The following ADAMTSL1 variants were observed in gnomAD, a reference collection of about 807,000 sequenced individuals.
ADAMTSL1 encodes the protein ADAMTS-like protein 1.
Under a neutral mutation model 201.8 loss-of-function variants are expected in ADAMTSL1, and 126 were observed. That is an observed-to-expected ratio of 0.62 (90% CI 0.54 to 0.72). The LOEUF is 0.72. Among genes scored for constraint, ADAMTSL1 ranks in the 30% least tolerant of loss-of-function variants. The pLI is 0.00. For synonymous variants in ADAMTSL1, 1,121 were observed against 903.4 expected (o/e 1.24, Z -4.32); for missense variants, 2,679 against 2,277.8 (o/e 1.18, Z -3.59).
chr9:18,394,120 A>G (rs1033797533), intron 2 of ADAMTSL1, among the ~76,000 whole-genome samples: 1 of 152,206 alleles, frequency 6.6e-6, no homozygotes. Context: ...AAGCAGAGCC[A>G]TAAAGAGATT....
intron 7 of ADAMTSL1, among the ~76,000 whole-genome samples, chr9:18,651,792 A>C (rs559773004): frequency 6.6e-6 from 1 of 152,306 alleles, no homozygotes; most frequent in East Asian, 1.9e-4. Flanking sequence ...AGCCTTGAAC[A>C]TAACCTTGCA....
intron 2 of ADAMTSL1, among the ~76,000 whole-genome samples, chr9:18,229,318 C>T (rs926252294): frequency 5.3e-5 from 8 of 151,920 alleles, no homozygotes; most frequent in East Asian, 3.9e-4. Context: ...GGAATTAGGA[C>T]GTTTCTGGTA....
intron 2 of ADAMTSL1, among the ~76,000 whole-genome samples, chr9:18,191,458 A>G (rs1039271540): frequency 6.6e-6 from 1 of 152,128 alleles, no homozygotes; most frequent in African/African-American, 2.4e-5. Context: ...TTCTTCTTCA[A>G]TCCATGGAGG....
intron 15 of ADAMTSL1, among the ~76,000 whole-genome samples, chr9:18,728,066 T>TGAGA (rs1817998327): frequency 1.3e-5 from 2 of 150,596 alleles, no homozygotes; most frequent in Non-Finnish European, 2.9e-5. Context: ...GGCAACAGAG[T>TGAGA]GAGACTCTGT....
intron 15 of ADAMTSL1, among the ~76,000 whole-genome samples, chr9:18,749,208 C>T (rs529225859): frequency 1.3e-5 from 2 of 152,180 alleles, no homozygotes; most frequent in Admixed American, 6.5e-5. Flanking sequence ...TTTGGAGACA[C>T]AGGTCAACAC....
chr9:18,779,267 A>G (rs1295907106), intron 19 of ADAMTSL1, among the ~76,000 whole-genome samples: 1 of 152,210 alleles, frequency 6.6e-6, no homozygotes, highest in Non-Finnish European at 1.5e-5. Flanking sequence ...TAGATATATA[A>G]TAACTTTTGT....
intron 2 of ADAMTSL1, among the ~76,000 whole-genome samples, chr9:18,326,133 A>T (rs1472100919): frequency 6.6e-6 from 1 of 152,196 alleles, no homozygotes; most frequent in Non-Finnish European, 1.5e-5. Flanking sequence ...CATAGTAGGA[A>T]CAACTGAATT....
rs367753951 is a variant in ADAMTSL1 at position 18,107,413 on chromosome 9, A to G, written c.88-56449A>G. ...CAGAAGCATTTCCTTGCATGCATGA[A>G]GCTGAAACAAAACTGCCTGGGTAGA... On this transcript the variant is annotated intron_variant, in intron 1 of 29. Transcript: ENST00000680146. Among the ~76,000 whole-genome samples the G allele has an allele frequency of 3.9e-5, 6 of 152,190 alleles. No homozygotes were observed. In the South Asian group the frequency reaches 1.2e-3, roughly 32 times the overall value.
intron 23 of ADAMTSL1, among the ~76,000 whole-genome samples, chr9:18,853,757 C>T (rs1588240295): frequency 6.6e-6 from 1 of 152,256 alleles, no homozygotes; most frequent in South Asian, 2.1e-4. Context: ...ATCTCTATCA[C>T]TGTCTTAATT....
At chr9:17,954,781 C>T (rs781520104) in intron 1 of ADAMTSL1, among the ~76,000 whole-genome samples, 1 of 152,124 alleles carries the variant, frequency 6.6e-6, no homozygotes, top group Non-Finnish European at 1.5e-5. Context: ...AAAAATTAAA[C>T]ACAGTTAGGT....
chr9:17,995,786 G>A (rs1406589610), intron 1 of ADAMTSL1, among the ~76,000 whole-genome samples: 1 of 151,510 alleles, frequency 6.6e-6, no homozygotes, highest in Non-Finnish European at 1.5e-5. Flanking sequence ...CAGACGTACT[G>A]TATTATTTAT....
At chr9:18,290,580 C>G (rs941165256) in intron 2 of ADAMTSL1, among the ~76,000 whole-genome samples, 8 of 151,876 alleles carry the variant, frequency 5.3e-5, no homozygotes, top group African/African-American at 1.7e-4. Context: ...TGTAAAAGAC[C>G]ACAACAGGAT....
chr9:18,682,000 G>T, intron 12 of ADAMTSL1, 41 bp downstream of exon 12: 1 of 1,606,864 alleles, frequency 6.2e-7, no homozygotes, highest in Non-Finnish European at 8.5e-7. Context: ...GTTAATTGTT[G>T]TGTGTAGTCA....
chr9:18,803,503 T>C (rs897201684), intron 20 of ADAMTSL1, among the ~76,000 whole-genome samples: 2 of 152,222 alleles, frequency 1.3e-5, no homozygotes, highest in African/African-American at 4.8e-5. Context: ...CTTAGCCATG[T>C]CACAGGTTCC....
chr9:18,125,349 G>A (rs932963399), intron 1 of ADAMTSL1, among the ~76,000 whole-genome samples: 1 of 152,124 alleles, frequency 6.6e-6, no homozygotes, highest in Non-Finnish European at 1.5e-5. Context: ...ACCTCTCACT[G>A]GGTTCCTCCC....
intron 21 of ADAMTSL1, among the ~76,000 whole-genome samples, chr9:18,824,825 G>A (rs1023073481): frequency 6.7e-6 from 1 of 150,010 alleles, no homozygotes; most frequent in Non-Finnish European, 1.5e-5. Flanking sequence ...AGCCTCCTGA[G>A]TAGCTGGGAT....
At chr9:18,681,704 G>GGC (rs1830495305) in intron 11 of ADAMTSL1, 108 bp from the exon 12 acceptor site, 3 of 716,348 alleles carry the variant, frequency 4.2e-6, no homozygotes, top group East Asian at 6.6e-5. Flanking sequence ...GTGTGGGGGG[G>GGC]GGGGGCGGGG....
chr9:18,850,868 A>C (rs1231719548), intron 23 of ADAMTSL1, among the ~76,000 whole-genome samples: 1 of 152,248 alleles, frequency 6.6e-6, no homozygotes, highest in Non-Finnish European at 1.5e-5. Context: ...AGGTAAATTA[A>C]GCAAGAAAAA....
At position 18,418,975 on chromosome 9, in the gene ADAMTSL1, G is replaced by A. The variant is rs887960934; in HGVS notation, c.208-85854G>A. Among the ~76,000 whole-genome samples, 5 of 152,146 alleles carry A rather than the reference G, an allele frequency of 3.3e-5. No individual in the cohort carries two copies. In the East Asian group the frequency reaches 5.8e-4, roughly 18 times the overall value. On this transcript the variant is annotated intron_variant, in intron 2 of 29. Coordinates refer to the ADAMTSL1 transcript ENST00000680146. The stretch of plus-strand genomic sequence containing the variant: ...TCAGTTGTCAAGACAGGGTGGTATC[G>A]GCAAAGAGAGAGACAAATAGATCGA...
Sources: gnomAD v4.1 joint callset for allele counts (sites outside exome capture counted in the v4.1 genomes callset) on GRCh38, gnomAD v4.1.1 for gene constraint, MANE v1.5 for transcripts, NCBI Gene and HGNC (gene_info 2026-07-23, HGNC 2026-07-21) for gene names.